Variants in COL11A1 observed in about 807,000 individuals in gnomAD.
COL11A1 encodes the protein collagen alpha-1(XI) chain.
Under a neutral mutation model 265.2 loss-of-function variants are expected in COL11A1, and 74 were observed. That is an observed-to-expected ratio of 0.28 (90% CI 0.23 to 0.34). The LOEUF is 0.34. COL11A1 is among the 10% of genes least tolerant of loss of function. The pLI is 1.00. For synonymous variants in COL11A1, 816 were observed against 727.6 expected (o/e 1.12, Z -1.96); for missense variants, 2,165 against 2,263.6 (o/e 0.96, Z 0.88).
At chr1:103,106,067 C>T (rs1202886123) in intron 1 of COL11A1, among the ~76,000 whole-genome samples, 1 of 152,012 alleles carries the variant, frequency 6.6e-6, no homozygotes, top group Admixed American at 6.6e-5. Flanking sequence ...AGTTGTTTTC[C>T]CACCATTTAT....
intron 7 of COL11A1, among the ~76,000 whole-genome samples, chr1:103,025,052 T>C (rs559599313): frequency 9.2e-5 from 14 of 152,262 alleles, no homozygotes; most frequent in Non-Finnish European, 1.2e-4. Flanking sequence ...AAAATGTAAA[T>C]AGTTATTTAA....
chr1:102,978,405 A>G (rs548472240), intron 35 of COL11A1, among the ~76,000 whole-genome samples: 1 of 152,322 alleles, frequency 6.6e-6, no homozygotes, highest in Non-Finnish European at 1.5e-5. Flanking sequence ...AGAAGAGGGC[A>G]AAGATGTTTC....
At chr1:103,029,167 GA>G (rs1319466992) in intron 5 of COL11A1, among the ~76,000 whole-genome samples, 1 of 151,870 alleles carries the variant, frequency 6.6e-6, no homozygotes, top group Non-Finnish European at 1.5e-5. Flanking sequence ...ATTATAAGCT[GA>G]AAAAAGCATA....
At chr1:102,885,032 G>A (rs1371096714) in intron 63 of COL11A1, among the ~76,000 whole-genome samples, 2 of 151,970 alleles carry the variant, frequency 1.3e-5, no homozygotes, top group African/African-American at 2.4e-5. Context: ...CACAGGCCAG[G>A]GAGTATCTGA....
At chr1:102,960,209 G>A (rs983554414) in intron 41 of COL11A1, among the ~76,000 whole-genome samples, 1 of 152,062 alleles carries the variant, frequency 6.6e-6, no homozygotes. Context: ...TATATGATGT[G>A]AGTGAAGTAA....
In COL11A1 at chr1:103,074,625, ACTT is replaced by A; in HGVS notation, c.641_643del (p.Glu214del). ...AGTTGGATTTATTTTTACCTCAAAA[ACTT>A]CTTCATCCAAAATCCTTGTTCCAAA... On this transcript the variant is annotated inframe_deletion, in exon 4 of 67. Transcript: ENST00000370096. 1 of 1,612,980 alleles carries A rather than the reference ACTT, an allele frequency of 6.2e-7. No homozygotes were observed. The highest frequency in any genetic ancestry group is 1.7e-5 in the Admixed American group (1 of 59,820).
intron 18 of COL11A1, 24 bp downstream of exon 18, chr1:103,005,814 A>T (rs1665546776): frequency 6.2e-7 from 1 of 1,613,144 alleles, no homozygotes; most frequent in Non-Finnish European, 8.5e-7. Flanking sequence ...ATTCCCTGGA[A>T]AAAAAGGAAT....
chr1:102,892,755 T>C (rs960977492), intron 57 of COL11A1, among the ~76,000 whole-genome samples: 2 of 152,282 alleles, frequency 1.3e-5, no homozygotes, highest in Middle Eastern at 3.4e-3. Flanking sequence ...TGTTTTTTAA[T>C]TCATAACTGA....
At chr1:102,976,763 T>A (rs767518198) in intron 35 of COL11A1, among the ~76,000 whole-genome samples, 3 of 152,156 alleles carry the variant, frequency 2.0e-5, no homozygotes, top group Non-Finnish European at 4.4e-5. Context: ...ATGTCCTAAA[T>A]ATCATGAGAC....
chr1:102,890,457 A>T lies in COL11A1; in HGVS notation c.4350T>A (p.Gly1450=). ...PGLKGDPGSK[G]EKGHPGLIGL... ...CACATTCTTTTATTCTCACCTTTTC[A>T]CCCTTGGAGCCAGGGTCACCTTTGA... The change falls in exon 58 of 67, where the codon GGT becomes GGA. Residue 1450 remains glycine (G), a synonymous_variant. Transcript: ENST00000370096. The T allele has an allele frequency of 6.2e-7, 1 of 1,608,250 alleles. No individual in the cohort carries two copies. The highest frequency in any genetic ancestry group is 1.1e-5 in the South Asian group (1 of 90,332).
At position 102,949,593 on chromosome 1, in the gene COL11A1, A is replaced by C. The variant is rs553489828; in HGVS notation, c.3169-2637T>G. 3.3e-5 allele frequency among the ~76,000 whole-genome samples: 5 copies of C among 152,328 alleles called. No homozygotes were observed. The South Asian group carries it at 1.0e-3, about 32-fold the overall frequency. Reference sequence around the variant, plus strand: ...TGACTTACAATTATTATACCTACTAATTAACAATTATTGTGCTAAGTGCTT... The same window carrying C: ...TGACTTACAATTATTATACCTACTACTTAACAATTATTGTGCTAAGTGCTT... On this transcript the variant is annotated intron_variant, in intron 41 of 66. Coordinates refer to ENST00000370096, the MANE Select transcript of COL11A1 (RefSeq NM_001854.4).
At chr1:102,883,675 A>G (rs1049311780) in intron 63 of COL11A1, among the ~76,000 whole-genome samples, 5 of 152,156 alleles carry the variant, frequency 3.3e-5, no homozygotes, top group Admixed American at 1.3e-4. Context: ...TCCAAATCTC[A>G]TAAGTATTAT....
At chr1:102,971,748 T>C (rs1661997562) in intron 36 of COL11A1, among the ~76,000 whole-genome samples, 1 of 152,088 alleles carries the variant, frequency 6.6e-6, no homozygotes, top group South Asian at 2.1e-4. Context: ...TGTATTGACA[T>C]CCTGGGTGCC....
In COL11A1 at chr1:103,014,560, G is replaced by A. The variant is rs1432496942; in HGVS notation, c.1523C>T (p.Thr508Ile). 12 of 1,613,608 alleles carry A rather than the reference G, an allele frequency of 7.4e-6. No homozygotes were observed. Among genetic ancestry groups the A allele is most frequent in the Non-Finnish European group, 8.5e-7 (1 of 1,179,774 alleles). ...AGCCTGAGCTTCCTGAGCAGAGATG[G>A]TTGGTCCTTTGGAACCATCACCACC... ...RYGGDGSKGP[T>I]ISAQEAQAQA... Residue 508 changes from threonine (T) to isoleucine (I), a missense_variant, in exon 13 of 67, where the codon ACC (threonine) becomes ATC (isoleucine). Physicochemically the swap from Thr to Ile is moderately conservative, Grantham distance 89. Transcript: ENST00000370096.
chr1:103,091,210 A>G (rs1161820972), intron 1 of COL11A1, among the ~76,000 whole-genome samples: 1 of 152,132 alleles, frequency 6.6e-6, no homozygotes, highest in Non-Finnish European at 1.5e-5. Flanking sequence ...AAAATGTAAT[A>G]TTGTAGACCC....
chr1:102,905,078 A>G (rs1218180051), intron 54 of COL11A1, among the ~76,000 whole-genome samples: 16 of 151,824 alleles, frequency 1.1e-4, no homozygotes, highest in Admixed American at 1.1e-3. Flanking sequence ...TTGTAGGGAC[A>G]TGGATGAAAC....
chr1:103,042,156 A>G (rs1186773284), intron 4 of COL11A1, among the ~76,000 whole-genome samples: 2 of 152,054 alleles, frequency 1.3e-5, no homozygotes. Flanking sequence ...AATTAATTCA[A>G]TAAATATTTA....
At chr1:103,011,709 T>C (rs1666144970) in intron 14 of COL11A1, among the ~76,000 whole-genome samples, 1 of 151,976 alleles carries the variant, frequency 6.6e-6, no homozygotes, top group Admixed American at 6.6e-5. Flanking sequence ...AAAAAATTTA[T>C]ACAAAAAACA....
chr1:103,043,341 G>C (rs560441823), intron 4 of COL11A1, among the ~76,000 whole-genome samples: 2 of 151,624 alleles, frequency 1.3e-5, no homozygotes, highest in African/African-American at 4.8e-5. Flanking sequence ...ATGTCAGGAA[G>C]GTATAGCATC....
Sources: allele counts gnomAD v4.1 joint callset (sites outside exome capture counted in the v4.1 genomes callset), GRCh38; gene constraint gnomAD v4.1.1; transcripts MANE v1.5; gene names NCBI Gene and HGNC (gene_info 2026-07-23, HGNC 2026-07-21).